The following PCCA variants were observed in gnomAD, a reference collection of about 807,000 sequenced individuals.
The protein encoded by PCCA is propionyl-CoA carboxylase alpha chain, mitochondrial.
In PCCA, 74 loss-of-function variants were observed where a neutral mutation model predicts 101.3. That is an observed-to-expected ratio of 0.73 (90% confidence interval 0.61 to 0.89). The LOEUF is 0.89. Ranked by LOEUF, PCCA falls within the 40% of genes least tolerant of loss-of-function variation. The pLI, the probability that PCCA is intolerant of heterozygous loss-of-function variation, is 0.00. For missense variants in PCCA, 891 were observed against 907.0 expected, an observed-to-expected ratio of 0.98 and a Z score of 0.23; for synonymous variants, 294 against 313.6, an observed-to-expected ratio of 0.94 and a Z score of 0.66.
At chr13:100,452,371 G>C (rs1343503771) in intron 21 of PCCA, among the ~76,000 whole-genome samples, 1 of 152,034 alleles carries the variant, frequency 6.6e-6, no homozygotes, top group Non-Finnish European at 1.5e-5. Context: ...CTACTCCCTA[G>C]TCCATCACTA....
At chr13:100,524,983 G>GGATAGATAGATAGATAGATA (rs201979758) in intron 22 of PCCA, among the ~76,000 whole-genome samples, 8 of 137,276 alleles carry the variant, frequency 5.8e-5, no homozygotes, top group East Asian at 2.0e-4. Flanking sequence ...TCTCTAAGAT[G>GGATAGATAGATAGATAGATA]GATAGATAGA....
chr13:100,422,813 CTGT>C (rs1340610509), intron 19 of PCCA, among the ~76,000 whole-genome samples: 2 of 151,694 alleles, frequency 1.3e-5, no homozygotes, highest in African/African-American at 2.4e-5. Context: ...TCATTTCCTT[CTGT>C]TGTTGTATAA....
At chr13:100,486,098 C>T (rs560749389) in intron 21 of PCCA, among the ~76,000 whole-genome samples, 1 of 152,222 alleles carries the variant, frequency 6.6e-6, no homozygotes, top group African/African-American at 2.4e-5. Context: ...GAGCCATTCT[C>T]TAAACCACCG....
At chr13:100,364,814 G>T (rs371564451) in intron 18 of PCCA, among the ~76,000 whole-genome samples, 2 of 152,150 alleles carry the variant, frequency 1.3e-5, no homozygotes, top group Non-Finnish European at 2.9e-5. Context: ...ACTTTGGGAG[G>T]ACAAAGCAGG....
chr13:100,452,662 A>T (rs980884284), intron 21 of PCCA, among the ~76,000 whole-genome samples: 11 of 149,678 alleles, frequency 7.3e-5, no homozygotes, highest in African/African-American at 2.8e-4. Context: ...TATTTTTTTC[A>T]TTAGCAGTTA....
intron 21 of PCCA, among the ~76,000 whole-genome samples, chr13:100,513,748 AT>A (rs1273545795): frequency 6.6e-6 from 1 of 152,234 alleles, no homozygotes; most frequent in African/African-American, 2.4e-5. Context: ...CAAGAAAAAA[AT>A]AGATCTGTGT....
chr13:100,127,635 G>GATA (rs2050088377), intron 4 of PCCA, among the ~76,000 whole-genome samples: 1 of 152,152 alleles, frequency 6.6e-6, no homozygotes, highest in Non-Finnish European at 1.5e-5. Flanking sequence ...GCTCACGCCC[G>GATA]TAATCCCAGC....
chr13:100,118,242 A>G lies in PCCA; in HGVS notation c.300+6181A>G, dbSNP rs148467476. On this transcript the variant is annotated intron_variant, in intron 4 of 23. Transcript: ENST00000376285. ...ATATCTATAATACCTTATGAAACCT[A>G]AGAAAATAACTCATTATTCTATAAT... 5.6e-4 allele frequency among the ~76,000 whole-genome samples: 85 copies of G among 152,310 alleles called. 2 individuals are homozygous for G. The East Asian group carries it at 0.016, about 28-fold the overall frequency.
intron 6 of PCCA, among the ~76,000 whole-genome samples, chr13:100,189,044 C>A (rs113650893): frequency 2.8e-4 from 42 of 152,126 alleles, no homozygotes; most frequent in African/African-American, 9.4e-4. Flanking sequence ...CCTAGCCCCC[C>A]ACCCCCTGAC....
At chr13:100,416,425 G>A (rs890764538) in intron 19 of PCCA, among the ~76,000 whole-genome samples, 9 of 151,652 alleles carry the variant, frequency 5.9e-5, no homozygotes, top group Non-Finnish European at 1.0e-4. Flanking sequence ...CAAGTACTCC[G>A]CCCGCCTCGG....
chr13:100,465,880 C>G (rs1461126694), intron 21 of PCCA, among the ~76,000 whole-genome samples: 1 of 152,216 alleles, frequency 6.6e-6, no homozygotes, highest in South Asian at 2.1e-4. Context: ...TTTACCCGTC[C>G]TGATACTGGA....
At chr13:100,164,626 CT>C (rs2054847104) in intron 6 of PCCA, among the ~76,000 whole-genome samples, 3 of 152,174 alleles carry the variant, frequency 2.0e-5, no homozygotes, top group Admixed American at 1.3e-4. Context: ...GAAATTAAGA[CT>C]CATTTTATTT....
intron 8 of PCCA, 75 bp from the exon 9 acceptor site, chr13:100,257,520 A>G: frequency 1.0e-6 from 1 of 988,952 alleles, no homozygotes; most frequent in Admixed American, 1.9e-5. Context: ...GTTATTGAAC[A>G]TGTGGTCAAT....
At chr13:100,468,076 G>C (rs1431038047) in intron 21 of PCCA, among the ~76,000 whole-genome samples, 1 of 152,212 alleles carries the variant, frequency 6.6e-6, no homozygotes, top group Non-Finnish European at 1.5e-5. Flanking sequence ...ATCTCCGTCA[G>C]AGCTCCCAGG....
At chr13:100,239,469 T>C (rs1406699554) in intron 8 of PCCA, among the ~76,000 whole-genome samples, 1 of 152,186 alleles carries the variant, frequency 6.6e-6, no homozygotes, top group Non-Finnish European at 1.5e-5. Flanking sequence ...CTTGATGAGG[T>C]GAGAGACAGT....
intron 12 of PCCA, among the ~76,000 whole-genome samples, chr13:100,283,066 C>A (rs960028294): frequency 1.3e-5 from 2 of 151,816 alleles, no homozygotes; most frequent in Non-Finnish European, 2.9e-5. Flanking sequence ...TCAAGGCAGA[C>A]CTGGGGAAGT....
intron 21 of PCCA, chr13:100,466,039 A>G (rs1055355962): frequency 3.9e-5 from 6 of 152,232 alleles, no homozygotes; most frequent in African/African-American, 1.4e-4. Flanking sequence ...GTGTGATTGC[A>G]TTGTGTTCAT....
At chr13:100,142,142 A>G (rs547387547) in intron 4 of PCCA, among the ~76,000 whole-genome samples, 121 of 151,956 alleles carry the variant, frequency 8.0e-4, no homozygotes, top group African/African-American at 2.8e-3. Context: ...CACCTCCTAT[A>G]AGGTAGAGTT....
intron 12 of PCCA, among the ~76,000 whole-genome samples, chr13:100,287,903 T>C (rs1020322635): frequency 1.3e-5 from 2 of 152,218 alleles, no homozygotes; most frequent in African/African-American, 4.8e-5. Context: ...GTTACCCTTA[T>C]ATTTGAAATT....
Sources: allele counts gnomAD v4.1 joint callset (sites outside exome capture counted in the v4.1 genomes callset), GRCh38; gene constraint gnomAD v4.1.1; transcripts MANE v1.5; gene names NCBI Gene and HGNC (gene_info 2026-07-23, HGNC 2026-07-21).